The following DRC11 variants were observed in gnomAD, a reference collection of about 807,000 sequenced individuals.
The protein encoded by DRC11 is dynein regulatory complex subunit 11, also known as IQ and AAA domain-containing protein 1.
chr2:236,388,899 A>T, the DRC11 span, among the ~76,000 whole-genome samples: 1 of 152,094 alleles, frequency 6.6e-6, no homozygotes, highest in Admixed American at 6.5e-5. Flanking sequence ...CCTCAGCTGC[A>T]GGTCTATTTG....
the DRC11 span, among the ~76,000 whole-genome samples, chr2:236,376,923 C>G: frequency 6.6e-6 from 1 of 152,222 alleles, no homozygotes; most frequent in Non-Finnish European, 1.5e-5. This position sits in a 1 kb window ranked among gnomAD's most constrained non-coding sequence, Gnocchi z 5.7. Flanking sequence ...ATCTGTTAGT[C>G]CACAGCATCC....
chr2:236,381,809 T>C, the DRC11 span, among the ~76,000 whole-genome samples: 1 of 152,230 alleles, frequency 6.6e-6, no homozygotes, highest in Non-Finnish European at 1.5e-5. This position sits in a 1 kb window ranked among gnomAD's most constrained non-coding sequence, Gnocchi z 5.8. Context: ...TCTTAACTTC[T>C]GAGTTTTGAG....
the DRC11 span, chr2:236,368,148 G>T: frequency 8.6e-6 from 10 of 1,158,092 alleles, no homozygotes; most frequent in African/African-American, 1.1e-4. Flanking sequence ...AGCAAGCGGT[G>T]CAAGCTGCTT....
chr2:236,338,208 A>G, the DRC11 span: 2 of 1,613,464 alleles, frequency 1.2e-6, no homozygotes. Flanking sequence ...TACTTGCCGT[A>G]TCTGGAAGCA....
the DRC11 span, among the ~76,000 whole-genome samples, chr2:236,448,219 C>T: frequency 2.0e-5 from 3 of 152,146 alleles, no homozygotes; most frequent in African/African-American, 7.2e-5. The surrounding 1 kb of genome is among the most constrained non-coding windows in gnomAD (Gnocchi z 5.3). Context: ...ATACACACCT[C>T]AGTAAGACCA....
the DRC11 span, chr2:236,368,319 A>C: frequency 6.8e-7 from 1 of 1,460,518 alleles, no homozygotes; most frequent in Non-Finnish European, 9.5e-7. Flanking sequence ...GAAAAGAAAC[A>C]GAGGAACAAT....
the DRC11 span, among the ~76,000 whole-genome samples, chr2:236,312,651 C>T: frequency 6.6e-6 from 1 of 151,562 alleles, no homozygotes; most frequent in Non-Finnish European, 1.5e-5. Flanking sequence ...AGAAAAATAA[C>T]AGCAAGTTAA....
At chr2:236,486,725 AT>A in the DRC11 span, 2 of 792,284 alleles carry the variant, frequency 2.5e-6, no homozygotes, top group Non-Finnish European at 4.1e-6. The surrounding 1 kb of genome is among the most constrained non-coding windows in gnomAD (Gnocchi z 5.7). Flanking sequence ...TAAATCATTT[AT>A]TTTTCTTTCT....
At chr2:236,487,612 G>A in the DRC11 span, among the ~76,000 whole-genome samples, 2 of 152,156 alleles carry the variant, frequency 1.3e-5, no homozygotes, top group African/African-American at 4.8e-5. Flanking sequence ...ATTAGTGATG[G>A]CTGCTGCATG....
the DRC11 span, among the ~76,000 whole-genome samples, chr2:236,395,878 C>G: frequency 1.3e-5 from 2 of 152,116 alleles, no homozygotes; most frequent in African/African-American, 4.8e-5. Flanking sequence ...TCACTAGATT[C>G]ACTAAAATCA....
At chr2:236,353,028 A>T in the DRC11 span, among the ~76,000 whole-genome samples, 1 of 151,946 alleles carries the variant, frequency 6.6e-6, no homozygotes, top group Non-Finnish European at 1.5e-5. This position sits in a 1 kb window ranked among gnomAD's most constrained non-coding sequence, Gnocchi z 5.0. Flanking sequence ...GGCTCTCTAC[A>T]CTCTTCTCCT....
the DRC11 span, among the ~76,000 whole-genome samples, chr2:236,449,000 T>C: frequency 1.3e-5 from 2 of 151,834 alleles, no homozygotes; most frequent in Non-Finnish European, 2.9e-5. The surrounding 1 kb of genome is among the most constrained non-coding windows in gnomAD (Gnocchi z 5.3). Flanking sequence ...GCTGGGATTA[T>C]AGGTGCGTGC....
the DRC11 span, among the ~76,000 whole-genome samples, chr2:236,427,111 C>T: frequency 3.9e-5 from 6 of 152,274 alleles, no homozygotes; most frequent in East Asian, 1.9e-4. The surrounding 1 kb of genome is among the most constrained non-coding windows in gnomAD (Gnocchi z 5.9). Context: ...ACCACTCTTG[C>T]GTCCCAAGGA....
chr2:236,462,107 C>T, the DRC11 span, among the ~76,000 whole-genome samples: 7 of 152,016 alleles, frequency 4.6e-5, no homozygotes, highest in African/African-American at 9.7e-5. The surrounding 1 kb of genome is among the most constrained non-coding windows in gnomAD (Gnocchi z 6.4). Flanking sequence ...AACTTCGAGG[C>T]GGTGCTCATC....
chr2:236,399,313 C>T, the DRC11 span: 1 of 962,708 alleles, frequency 1.0e-6, no homozygotes. The surrounding 1 kb of genome is among the most constrained non-coding windows in gnomAD (Gnocchi z 7.0). Context: ...TAGAGACAGG[C>T]AGAATGTCTC....
the DRC11 span, among the ~76,000 whole-genome samples, chr2:236,319,072 T>C: frequency 6.6e-6 from 1 of 152,100 alleles, no homozygotes; most frequent in African/African-American, 2.4e-5. The surrounding 1 kb of genome is among the most constrained non-coding windows in gnomAD (Gnocchi z 6.7). Context: ...GCCCCAGCTT[T>C]TTTGGGGCCC....
At chr2:236,422,790 G>C in the DRC11 span, among the ~76,000 whole-genome samples, 1 of 152,040 alleles carries the variant, frequency 6.6e-6, no homozygotes, top group South Asian at 2.1e-4. Flanking sequence ...CACACTACCT[G>C]ACTTCAAACT....
chr2:236,353,906 T>C, the DRC11 span, among the ~76,000 whole-genome samples: 1 of 152,146 alleles, frequency 6.6e-6, no homozygotes, highest in African/African-American at 2.4e-5. The surrounding 1 kb of genome is among the most constrained non-coding windows in gnomAD (Gnocchi z 5.0). Flanking sequence ...TCATATGACA[T>C]TTTGGCCTGC....
chr2:236,364,718 C>T, the DRC11 span, among the ~76,000 whole-genome samples: 35 of 152,072 alleles, frequency 2.3e-4, no homozygotes, highest in African/African-American at 5.3e-4. Context: ...AAAAAGTGAA[C>T]GGGATTAAAT....
Sources: gnomAD v4.1 joint callset for allele counts (sites outside exome capture counted in the v4.1 genomes callset) on GRCh38, gnomAD v4.1.1 for gene constraint, Gnocchi (gnomAD v3.1) non-coding constraint, MANE v1.5 for transcripts, NCBI Gene and HGNC (gene_info 2026-07-23, HGNC 2026-07-21) for gene names.